STPG2: variants seen among roughly 807,000 people sequenced by gnomAD.
The protein encoded by STPG2 is sperm tail PG-rich repeat containing 2.
In STPG2, 56 loss-of-function variants were observed where a neutral mutation model predicts 54.2. The observed-to-expected ratio is 1.03, with a 90% CI of 0.83 to 1.29. STPG2 has a LOEUF of 1.29. STPG2 is among the 50% of genes most tolerant of loss of function. The pLI is 0.00. For missense variants in STPG2, 596 were observed against 544.9 expected (o/e 1.09, Z -0.93); for synonymous variants, 200 against 181.8 (o/e 1.10, Z -0.81).
rs185427493 is a variant in STPG2 at position 97,456,769 on chromosome 4, G to A, written c.462+255930C>T. Reference sequence around the variant, plus strand: ...AAATTAGCCAGGTGTGGTGGCAGGCGCCTGTAGTCCGAGCTACTCAGGAGG... The same window carrying A: ...AAATTAGCCAGGTGTGGTGGCAGGCACCTGTAGTCCGAGCTACTCAGGAGG... On this transcript the variant is annotated intron_variant, in intron 4 of 4. Transcript: ENST00000522676. Among the ~76,000 whole-genome samples the A allele has an allele frequency of 1.3e-3, 198 of 151,354 alleles. No homozygotes were observed. In the East Asian group the frequency reaches 0.032, roughly 24 times the overall value.
In STPG2 at chr4:97,850,299, AAAAT is replaced by A. The variant is rs35675294; in HGVS notation, c.1045-9371_1045-9368del. ...GGAGGGGGGAGGGGGGAGGGAAAGAAAAATAAATAAATAAATAAATAAATAAAGA... is the reference window on the plus strand; with the variant it reads ...GGAGGGGGGAGGGGGGAGGGAAAGAAAAATAAATAAATAAATAAATAAAGA... On this transcript the variant is annotated intron_variant, in intron 8 of 10. Transcript: ENST00000295268. 2.8e-4 allele frequency among the ~76,000 whole-genome samples: 30 copies of A among 106,944 alleles called. 1 individual carries two copies. Among genetic ancestry groups the A allele is most frequent in the African/African-American group, 7.5e-4 (22 of 29,432 alleles). 70.2% of individuals were successfully genotyped at this position (106,944 alleles called of 152,430 possible).
chr4:97,918,385 T>C (rs1297351601), intron 8 of STPG2, among the ~76,000 whole-genome samples: 1 of 152,148 alleles, frequency 6.6e-6, no homozygotes, highest in African/African-American at 2.4e-5. Flanking sequence ...TTAAGAATTT[T>C]TTATGCATTA....
intron 4 of STPG2, among the ~76,000 whole-genome samples, chr4:97,528,339 G>A (rs1192527093): frequency 1.3e-5 from 2 of 152,028 alleles, no homozygotes; most frequent in East Asian, 3.9e-4. Flanking sequence ...TGAGGCCTCT[G>A]TTCTATTCCA....
intron 5 of STPG2, among the ~76,000 whole-genome samples, chr4:98,009,894 T>C (rs997166013): frequency 3.9e-5 from 6 of 152,096 alleles, no homozygotes; most frequent in Non-Finnish European, 8.8e-5. Context: ...TTTGTTGGCA[T>C]ATAGTTATTC....
intron 9 of STPG2, among the ~76,000 whole-genome samples, chr4:97,797,323 T>A (rs1578572870): frequency 6.6e-6 from 1 of 152,260 alleles, no homozygotes; most frequent in Admixed American, 6.5e-5. Context: ...TGGCTGTGGG[T>A]TTGTCATAAA....
intron 4 of STPG2, among the ~76,000 whole-genome samples, chr4:97,463,875 T>C (rs368574518): frequency 2.0e-5 from 3 of 152,346 alleles, no homozygotes; most frequent in African/African-American, 7.2e-5. Context: ...ATGTTCTTTT[T>C]CTATTCTGAG....
At chr4:98,047,451 C>A (rs1002124892) in intron 5 of STPG2, among the ~76,000 whole-genome samples, 4 of 152,186 alleles carry the variant, frequency 2.6e-5, no homozygotes, top group Non-Finnish European at 5.9e-5. Flanking sequence ...AGGCAAATCC[C>A]TTCCAGGGAG....
At chr4:97,791,848 C>T (rs1578567398) in intron 9 of STPG2, among the ~76,000 whole-genome samples, 1 of 151,684 alleles carries the variant, frequency 6.6e-6, no homozygotes, top group Non-Finnish European at 1.5e-5. Flanking sequence ...GATGAAACCA[C>T]CATAGCTATT....
At chr4:97,900,582 C>T (rs1232790281) in intron 8 of STPG2, among the ~76,000 whole-genome samples, 1 of 152,068 alleles carries the variant, frequency 6.6e-6, no homozygotes, top group African/African-American at 2.4e-5. Context: ...CAATGAAATA[C>T]CATGCTGCCA....
At chr4:97,725,054 T>G (rs1724575164) in intron 9 of STPG2, among the ~76,000 whole-genome samples, 1 of 152,050 alleles carries the variant, frequency 6.6e-6, no homozygotes, top group African/African-American at 2.4e-5. Context: ...TGCAATATAT[T>G]TTTGCCTATC....
intron 5 of STPG2, among the ~76,000 whole-genome samples, chr4:98,018,500 C>T (rs928056753): frequency 6.6e-6 from 1 of 152,120 alleles, no homozygotes; most frequent in Non-Finnish European, 1.5e-5. Flanking sequence ...GTCTTTATAG[C>T]AGCATGATTT....
chr4:97,449,039 C>T (rs1729300084), intron 4 of STPG2, among the ~76,000 whole-genome samples: 1 of 151,326 alleles, frequency 6.6e-6, no homozygotes, highest in Non-Finnish European at 1.5e-5. Flanking sequence ...ATTCCTAGGG[C>T]TAACATATAT....
At chr4:97,619,671 A>C (rs1733960712) in intron 10 of STPG2, among the ~76,000 whole-genome samples, 1 of 151,972 alleles carries the variant, frequency 6.6e-6, no homozygotes, top group Non-Finnish European at 1.5e-5. Flanking sequence ...TTTCCAGATT[A>C]AACATTTCTC....
At chr4:97,769,672 CAA>C (rs1451503571) in intron 9 of STPG2, among the ~76,000 whole-genome samples, 1 of 151,582 alleles carries the variant, frequency 6.6e-6, no homozygotes, top group African/African-American at 2.4e-5. Context: ...ATAGAAAACA[CAA>C]GAGTTTCTCA....
chr4:97,504,184 A>G (rs1730798788), intron 4 of STPG2, among the ~76,000 whole-genome samples: 1 of 145,388 alleles, frequency 6.9e-6, no homozygotes, highest in African/African-American at 2.5e-5. Context: ...ATTTTATTTT[A>G]TTTTTATTTA....
intron 8 of STPG2, among the ~76,000 whole-genome samples, chr4:97,906,706 T>C (rs573296665): frequency 1.3e-5 from 2 of 151,756 alleles, no homozygotes; most frequent in South Asian, 4.2e-4. Context: ...GCAAGGCTGG[T>C]TCAATATACA....
intron 8 of STPG2, among the ~76,000 whole-genome samples, chr4:97,849,361 C>G (rs944032502): frequency 1.3e-5 from 2 of 151,934 alleles, no homozygotes; most frequent in African/African-American, 4.8e-5. Flanking sequence ...TAGGCGTGGG[C>G]AAGGACTTCA....
intron 8 of STPG2, among the ~76,000 whole-genome samples, chr4:97,924,867 T>C (rs1045025762): frequency 7.2e-5 from 11 of 152,216 alleles, no homozygotes; most frequent in Admixed American, 1.3e-4. Context: ...TGTCCCTCTT[T>C]TCACTCCCAC....
At chr4:97,870,442 CAA>C (rs907525232) in intron 8 of STPG2, among the ~76,000 whole-genome samples, 1 of 150,938 alleles carries the variant, frequency 6.6e-6, no homozygotes, top group Non-Finnish European at 1.5e-5. Flanking sequence ...AAAGGGATTT[CAA>C]AAGTCTGGGA....
Sources: allele counts gnomAD v4.1 joint callset (sites outside exome capture counted in the v4.1 genomes callset), GRCh38; gene constraint gnomAD v4.1.1; transcripts MANE v1.5; gene names NCBI Gene and HGNC (gene_info 2026-07-23, HGNC 2026-07-21).